MARVELD3: variants seen among roughly 807,000 people sequenced by gnomAD.
MARVELD3 encodes the protein MARVEL domain-containing protein 3.
Under a neutral mutation model 33.5 loss-of-function variants are expected in MARVELD3, and 28 were observed. The ratio of observed to expected loss-of-function variants is 0.84; its 90% confidence interval spans 0.62 to 1.15. MARVELD3 has a LOEUF of 1.15. MARVELD3 is among the 50% of genes most tolerant of loss of function. The pLI, the probability that MARVELD3 is intolerant of heterozygous loss-of-function variation, is 0.00. For synonymous variants in MARVELD3, 241 were observed against 230.4 expected (o/e 1.05, Z -0.42); for missense variants, 582 against 547.6 (o/e 1.06, Z -0.63).
chr16:71,641,205 C>A, downstream of MARVELD3: 1 of 759,284 alleles, frequency 1.3e-6, no homozygotes, highest in South Asian at 1.9e-5. Context: ...GTAATCCCAG[C>A]ACTTTGGGAG....
downstream of MARVELD3, among the ~76,000 whole-genome samples, chr16:71,639,593 C>G (rs1041164188): frequency 6.6e-6 from 1 of 151,688 alleles, no homozygotes; most frequent in Non-Finnish European, 1.5e-5. Flanking sequence ...ACTACAGGCA[C>G]GTGCTGCCAC....
At chr16:71,633,786 C>T (rs1482703253) in intron 2 of MARVELD3, among the ~76,000 whole-genome samples, 1 of 151,484 alleles carries the variant, frequency 6.6e-6, no homozygotes, top group Non-Finnish European at 1.5e-5. Context: ...GCCCTCCCAC[C>T]TTGGCTTCCC....
intron 1 of MARVELD3, among the ~76,000 whole-genome samples, chr16:71,627,864 T>A (rs540330295): frequency 1.3e-5 from 2 of 152,158 alleles, no homozygotes; most frequent in Admixed American, 1.3e-4. Context: ...AATACCCAGA[T>A]AATGTGCCCC....
At position 71,626,266 on chromosome 16, in the gene MARVELD3, C is replaced by T. The variant is rs751131438; in HGVS notation, c.37C>T (p.Arg13Trp). The change falls in exon 1 of 3, where the codon CGG becomes TGG. Residue 13 changes from arginine (R) to tryptophan (W), a missense_variant. Arg to Trp is a moderately radical substitution (Grantham distance 101). Transcript: ENST00000268485. This position sits in a 1 kb window ranked among gnomAD's most constrained non-coding sequence, Gnocchi z 5.3. The part of the protein sequence containing the change: ...DPSGAREPRA[R>W]PRERDPGRRP... The stretch of plus-strand genomic sequence containing the variant: ...GTCGGGGGCTCGCGAGCCCCGGGCC[C>T]GGCCGAGAGAGCGGGACCCGGGACG... 6 of 1,531,100 alleles carry T rather than the reference C, an allele frequency of 3.9e-6. No homozygotes were observed. In the African/African-American group the frequency reaches 6.9e-5, roughly 18 times the overall value. The allele number at this position is 1,531,100 out of a possible 1,614,324, so 94.8% of individuals were successfully genotyped here.
Position 71,626,436 on chromosome 16 carries a change from C to G in MARVELD3, c.207C>G (p.Arg69=). ...PERDQERDGN[R]DRNRDRERER... The stretch of plus-strand genomic sequence containing the variant: ...GAGACCAGGAGAGGGACGGGAACCG[C>G]GACCGGAACCGGGACCGGGAGAGGG... The change falls in exon 1 of 3, where the codon CGC becomes CGG. Residue 69 remains arginine, a synonymous_variant. Transcript: ENST00000268485. This position sits in a 1 kb window ranked among gnomAD's most constrained non-coding sequence, Gnocchi z 5.3. The G allele has an allele frequency of 6.5e-7, 1 of 1,548,192 alleles. No individual in the cohort carries two copies. Among genetic ancestry groups the G allele is most frequent in the South Asian group, 1.2e-5 (1 of 83,948 alleles).
At chr16:71,640,131 G>T (rs2044606524), downstream of MARVELD3, among the ~76,000 whole-genome samples, 1 of 151,800 alleles carries the variant, frequency 6.6e-6, no homozygotes, top group African/African-American at 2.4e-5. Flanking sequence ...TAGCCAGGCA[G>T]GGTGGTGCGT....
chr16:71,626,775 C>T lies in MARVELD3; in HGVS notation c.467+79C>T. On this transcript the variant is annotated intron_variant, in intron 1 of 2. Transcript: ENST00000268485. This position sits in a 1 kb window ranked among gnomAD's most constrained non-coding sequence, Gnocchi z 5.3. The stretch of plus-strand genomic sequence containing the variant: ...GCCGGCCCGCGAGGCCCTGGCGTCC[C>T]CGGGTTCTCGTCCTAGGAGCCCGTT... 1 of 1,227,034 alleles carries T rather than the reference C, an allele frequency of 8.1e-7. No individual in the cohort carries two copies. Among genetic ancestry groups the T allele is most frequent in the South Asian group, 1.9e-5 (1 of 54,048 alleles). 76.0% of individuals were successfully genotyped at this position (1,227,034 alleles called of 1,614,324 possible). A position where few individuals can be genotyped will look rare whatever the true frequency, so the allele number is the denominator to read the frequency against.
At position 71,629,471 on chromosome 16, in the gene MARVELD3, G is replaced by A. The variant is rs752977838; in HGVS notation, c.572G>A (p.Cys191Tyr). Residue 191 changes from cysteine to tyrosine, a missense_variant, in exon 2 of 3, where the codon TGC becomes TAC. Coordinates refer to ENST00000268485, the MANE Select transcript of MARVELD3 (RefSeq NM_052858.6). The part of the protein sequence containing the change: ...EAEGLLECHK[C>Y]KYLCTGRACC... ...GAAGGACTCCTGGAATGCCACAAAT[G>A]CAAATACTTGTGCACTGGGAGAGGT... is the stretch of plus-strand genomic sequence containing the variant. The A allele has an allele frequency of 1.9e-6, 3 of 1,574,314 alleles. No individual in the cohort carries two copies. The East Asian group carries it at 7.2e-5, about 38-fold the overall frequency.
downstream of MARVELD3, chr16:71,641,175 G>A (rs1209229528): frequency 8.9e-6 from 9 of 1,007,050 alleles, no homozygotes; most frequent in Admixed American, 2.9e-5. Context: ...AATTGAGGAC[G>A]GGCATGGTGG....
intron 2 of MARVELD3, among the ~76,000 whole-genome samples, chr16:71,631,932 G>T (rs2044538092): frequency 6.6e-6 from 1 of 152,184 alleles, no homozygotes. Context: ...ACTGGAACCA[G>T]GCATTAAATC....
chr16:71,640,528 A>G, downstream of MARVELD3: 1 of 1,614,130 alleles, frequency 6.2e-7, no homozygotes, highest in South Asian at 1.1e-5. Context: ...TCACCGTTCG[A>G]GGGCACTGAG....
rs540041885 is a variant in MARVELD3 at position 71,634,044 on chromosome 16, G to C, written c.596-149G>C. On this transcript the variant is annotated intron_variant, in intron 2 of 2. Coordinates refer to ENST00000268485, the MANE Select transcript of MARVELD3 (RefSeq NM_052858.6). ...GACCACAGTTCCCTACTGCCCCCTA[G>C]TTTTAATCGCGCTGCTTTGGCCTCG... 2.5e-4 allele frequency: 320 copies of C among 1,283,064 alleles called. No individual in the cohort carries two copies. In the African/African-American group the frequency reaches 4.3e-3, roughly 17 times the overall value. 79.5% of individuals were successfully genotyped at this position (1,283,064 alleles called of 1,614,324 possible).
downstream of MARVELD3, chr16:71,641,005 A>G (rs983135271): frequency 2.5e-6 from 4 of 1,608,740 alleles, no homozygotes; most frequent in Admixed American, 3.3e-5. Flanking sequence ...GCACCGGAAT[A>G]TCTGTGGTCT....
chr16:71,630,703 A>G (rs1045135421), intron 2 of MARVELD3, among the ~76,000 whole-genome samples: 1 of 151,996 alleles, frequency 6.6e-6, no homozygotes, highest in African/African-American at 2.4e-5. Flanking sequence ...GTTGTTACGT[A>G]TATACATTTT....
intron 2 of MARVELD3, 102 bp downstream of exon 2, chr16:71,629,596 G>A: frequency 1.8e-6 from 2 of 1,114,066 alleles, no homozygotes; most frequent in Non-Finnish European, 2.5e-6. Context: ...TTCCCTTGTG[G>A]GTTCCTAGCA....
downstream of MARVELD3, chr16:71,640,573 C>T (rs371950282): frequency 6.2e-6 from 10 of 1,614,076 alleles, no homozygotes; most frequent in Admixed American, 1.7e-5. Context: ...CAGCAGTACA[C>T]GATCCTCCGC....
chr16:71,641,226 G>A (rs1022969039), downstream of MARVELD3: 7 of 641,016 alleles, frequency 1.1e-5, no homozygotes, highest in Non-Finnish European at 1.8e-5. Context: ...GCTGAGGTGG[G>A]CGGATCGCTT....
downstream of MARVELD3, chr16:71,640,665 A>G (rs1048436284): frequency 5.6e-6 from 9 of 1,614,116 alleles, no homozygotes; most frequent in Middle Eastern, 1.6e-4. Flanking sequence ...AGGAGCCAAG[A>G]GTCGAACAAT....
chr16:71,634,619 A>G lies in MARVELD3; in HGVS notation c.1022A>G (p.Gln341Arg). The change falls in exon 3 of 3, where the codon CAG becomes CGG. Residue 341 changes from glutamine (Q) to arginine (R), a missense_variant. By Grantham distance (43) the Gln-to-Arg change is conservative. Transcript: ENST00000268485. Reference protein sequence around the residue: ...AYGSPVCKERQALYQSKGYSG... With the variant: ...AYGSPVCKERRALYQSKGYSG... ...GGCTCTCCTGTGTGTAAAGAGAGGC[A>G]GGCGCTGTACCAAAGCAAAGGCTAC... 6.2e-7 allele frequency: 1 copy of G among 1,614,176 alleles called. No homozygotes were observed. Among genetic ancestry groups the G allele is most frequent in the Non-Finnish European group, 8.5e-7 (1 of 1,180,038 alleles).
Sources: gnomAD v4.1 joint callset for allele counts (sites outside exome capture counted in the v4.1 genomes callset) on GRCh38, gnomAD v4.1.1 for gene constraint, Gnocchi (gnomAD v3.1) non-coding constraint, MANE v1.5 for transcripts, NCBI Gene and HGNC (gene_info 2026-07-23, HGNC 2026-07-21) for gene names.